Variants in THAP5 observed in about 807,000 individuals in gnomAD.
THAP5 encodes THAP domain-containing protein 5.
THAP5 carries 26 observed loss-of-function variants against 34.0 expected under a neutral mutation model. The observed-to-expected ratio is 0.77, with a 90% CI of 0.56 to 1.06. The LOEUF (loss-of-function observed/expected upper bound fraction) is 1.06, where lower values mean the gene tolerates loss of function less well. THAP5 is among the 50% of genes least tolerant of loss of function. The pLI, the probability that THAP5 is intolerant of heterozygous loss-of-function variation, is 0.00. For missense variants in THAP5, 394 were observed against 452.8 expected (o/e 0.87, Z 1.18); for synonymous variants, 125 against 153.0 (o/e 0.82, Z 1.35).
downstream of THAP5, among the ~76,000 whole-genome samples, chr7:108,558,381 GTATATATATATATA>G (rs66806128): frequency 3.5e-4 from 33 of 93,854 alleles, 2 homozygotes; most frequent in African/African-American, 1.1e-3. Context: ...GTGTGTGTAT[GTATATATATATATA>G]TATATATATA....
rs375233412 is a variant in THAP5, at chr7:108,564,877, G to C, written c.502C>G (p.Leu168Val). ...SIQNNMLTLN[L>V]VKQHTGKPES... ...GGTTTCCCAGTATGTTGTTTAACTA[G>C]ATTAAGAGTTAACATGTTATTTTGT... Residue 168 changes from leucine (L) to valine (V), a missense_variant, in exon 3 of 3, where the codon CTA becomes GTA. Physicochemically the swap from Leu to Val is conservative, Grantham distance 32 (BLOSUM62 1). Transcript: ENST00000415914. 2.5e-6 allele frequency: 4 copies of C among 1,605,364 alleles called. No homozygotes were observed. The highest frequency in any genetic ancestry group is 2.7e-5 in the African/African-American group (2 of 74,856).
intron 1 of THAP5, 53 bp downstream of exon 1, chr7:108,569,437 C>A (rs537836176): frequency 1.9e-6 from 3 of 1,550,700 alleles, no homozygotes; most frequent in South Asian, 2.4e-5. Context: ...CCAAAGGCCA[C>A]AGGTCCAAGG....
downstream of THAP5, among the ~76,000 whole-genome samples, chr7:108,553,240 G>C (rs1390723157): frequency 6.6e-6 from 1 of 151,618 alleles, no homozygotes; most frequent in African/African-American, 2.4e-5. Flanking sequence ...ACAGGGTCTC[G>C]CTATGTTGCC....
the THAP5 span, among the ~76,000 whole-genome samples, chr7:108,548,448 C>G: frequency 1.3e-5 from 2 of 152,108 alleles, no homozygotes; most frequent in Admixed American, 6.5e-5. Flanking sequence ...GTAAAAGGAG[C>G]TAACAGACTA....
Position 108,564,254 on chromosome 7 carries a change from T to A in THAP5, c.1125A>T (p.Leu375=). 1 of 1,611,212 alleles carries A rather than the reference T, an allele frequency of 6.2e-7. No individual in the cohort carries two copies. The highest frequency in any genetic ancestry group is 8.5e-7 in the Non-Finnish European group (1 of 1,179,176). ...LIRQLKQENW[L]SEENVKIIEN... ...CTATAATCTTGACGTTTTCTTCAGA[T>A]AGCCAGTTTTCCTGCTTTAGCTGCC... The change falls in exon 3 of 3, where the codon CTA becomes CTT. Residue 375 remains leucine, a synonymous_variant. Transcript: ENST00000415914.
chr7:108,549,276 C>A, the THAP5 span, among the ~76,000 whole-genome samples: 1 of 152,038 alleles, frequency 6.6e-6, no homozygotes, highest in Non-Finnish European at 1.5e-5. Flanking sequence ...TGCACACCAC[C>A]ACGCCCAGCT....
chr7:108,555,431 G>C (rs1465865923), intron 1 of THAP5, among the ~76,000 whole-genome samples: 1 of 152,110 alleles, frequency 6.6e-6, no homozygotes, highest in Non-Finnish European at 1.5e-5. Context: ...GCCTCCCAAA[G>C]TGCTGGGATT....
At chr7:108,557,596 C>G (rs1316581787), downstream of THAP5, among the ~76,000 whole-genome samples, 1 of 152,198 alleles carries the variant, frequency 6.6e-6, no homozygotes, top group Non-Finnish European at 1.5e-5. Flanking sequence ...CCAATAAATT[C>G]CCCATCTCCA....
chr7:108,541,802 C>T, the THAP5 span, among the ~76,000 whole-genome samples: 1 of 152,166 alleles, frequency 6.6e-6, no homozygotes, highest in African/African-American at 2.4e-5. Flanking sequence ...CAGAATTCCT[C>T]AAGAAGCAAA....
At chr7:108,553,536 T>C (rs1412799091), downstream of THAP5, among the ~76,000 whole-genome samples, 2 of 152,228 alleles carry the variant, frequency 1.3e-5, no homozygotes, top group African/African-American at 4.8e-5. Flanking sequence ...ATTTGAAATT[T>C]TGAACCTTTG....
rs187797610 is a variant in THAP5, at chr7:108,564,066, C to T, written c.*125G>A. On this transcript the variant is annotated 3_prime_UTR_variant, in exon 3 of 3. Transcript: ENST00000415914. ...TACAAGAATAGGATACAGTTCATAA[C>T]TTTACAACACTCTCATAGGTTCATT... 9.1e-6 allele frequency: 7 copies of T among 765,712 alleles called. No homozygotes were observed. Among genetic ancestry groups the T allele is most frequent in the Non-Finnish European group, 1.4e-5 (7 of 493,234 alleles). 47.4% of individuals were successfully genotyped at this position (765,712 alleles called of 1,614,324 possible).
downstream of THAP5, among the ~76,000 whole-genome samples, chr7:108,560,926 T>C (rs577653805): frequency 6.6e-6 from 1 of 152,184 alleles, no homozygotes; most frequent in Admixed American, 6.5e-5. Context: ...TTTGTAGAGA[T>C]GGGATCTATG....
chr7:108,550,734 G>A (rs1261204459), downstream of THAP5, among the ~76,000 whole-genome samples: 1 of 152,056 alleles, frequency 6.6e-6, no homozygotes, highest in Non-Finnish European at 1.5e-5. Context: ...ATGTCTCTTT[G>A]TATGTCCGAA....
rs911967445 is a variant in THAP5 at position 108,562,275 on chromosome 7, T to C, written c.*1916A>G. On this transcript the variant is annotated 3_prime_UTR_variant, in exon 3 of 3. Transcript: ENST00000415914. ...TTATTGTGACTCAAGATTATTTTCATCTGTATTAAATTAAGTATTTGCAAA... is the reference window on the plus strand; with the variant it reads ...TTATTGTGACTCAAGATTATTTTCACCTGTATTAAATTAAGTATTTGCAAA... 2 of 137,112 alleles carry C rather than the reference T, an allele frequency of 1.5e-5. No homozygotes were observed. Among genetic ancestry groups the C allele is most frequent in the African/African-American group, 2.7e-5 (1 of 37,370 alleles). 8.5% of individuals were successfully genotyped at this position (137,112 alleles called of 1,614,324 possible).
At chr7:108,558,350 T>G (rs1041144953), downstream of THAP5, among the ~76,000 whole-genome samples, 3 of 140,388 alleles carry the variant, frequency 2.1e-5, no homozygotes, top group Admixed American at 7.4e-5. Context: ...TAGATAGTTT[T>G]ATGTGTATAT....
intron 1 of THAP5, chr7:108,569,259 T>C (rs1326315274): frequency 1.4e-6 from 2 of 1,420,294 alleles, no homozygotes; most frequent in East Asian, 2.5e-5. Context: ...TTTTAACTGT[T>C]AACACCCAAA....
chr7:108,553,112 A>G (rs545285777), downstream of THAP5, among the ~76,000 whole-genome samples: 1 of 152,276 alleles, frequency 6.6e-6, no homozygotes, highest in South Asian at 2.1e-4. Context: ...AATCACACAC[A>G]ATAGTATTAC....
intron 2 of THAP5, chr7:108,565,329 G>T: frequency 6.0e-6 from 2 of 333,524 alleles, no homozygotes; most frequent in Non-Finnish European, 5.3e-6. Context: ...TATATTGGGA[G>T]GCCAAGGCAG....
chr7:108,565,358 G>C lies in THAP5; in HGVS notation c.274-253C>G, dbSNP rs1790463702. The C allele has an allele frequency of 1.1e-5, 3 of 272,644 alleles. No homozygotes were observed. The South Asian group carries it at 2.9e-4, about 26-fold the overall frequency. The allele number at this position is 272,644 out of a possible 1,614,324, so 16.9% of individuals were successfully genotyped here. A position where few individuals can be genotyped will look rare whatever the true frequency, so the allele number is the denominator to read the frequency against. On this transcript the variant is annotated intron_variant, in intron 2 of 2. Coordinates refer to ENST00000415914, the MANE Select transcript of THAP5 (RefSeq NM_001130475.3). ...AAGGCAGGCAGATCAACTGAGGTCA[G>C]GAGTTCAAGACCAGCCTGGCTAACA...
Sources: allele counts gnomAD v4.1 joint callset (sites outside exome capture counted in the v4.1 genomes callset), GRCh38; gene constraint gnomAD v4.1.1; transcripts MANE v1.5; gene names NCBI Gene and HGNC (gene_info 2026-07-23, HGNC 2026-07-21).